Variants in TAOK1 observed in about 807,000 individuals in gnomAD.
TAOK1 encodes TAO kinase 1.
Under a neutral mutation model 138.3 loss-of-function variants are expected in TAOK1, and 21 were observed. That is an observed-to-expected ratio of 0.15 (90% CI 0.11 to 0.22). The LOEUF (loss-of-function observed/expected upper bound fraction) is 0.22, where lower values mean the gene tolerates loss of function less well. Ranked by LOEUF, TAOK1 falls within the 10% of genes least tolerant of loss-of-function variation. TAOK1 has a pLI of 1.00. For missense variants in TAOK1, 651 were observed against 1,227.7 expected (o/e 0.53, Z 7.02); for synonymous variants, 361 against 398.4 (o/e 0.91, Z 1.12).
At chr17:29,487,360 A>G (rs1389961908) in intron 8 of TAOK1, among the ~76,000 whole-genome samples, 1 of 151,896 alleles carries the variant, frequency 6.6e-6, no homozygotes, top group Admixed American at 6.6e-5. Context: ...GGAATTTGAG[A>G]TATTGTAGTA....
At chr17:29,447,218 C>T (rs1344953018) in intron 1 of TAOK1, among the ~76,000 whole-genome samples, 1 of 151,820 alleles carries the variant, frequency 6.6e-6, no homozygotes, top group East Asian at 1.9e-4. Context: ...GTCTGGCTTC[C>T]CCCGTTTTTA....
intron 1 of TAOK1, among the ~76,000 whole-genome samples, chr17:29,424,420 G>A (rs1905565438): frequency 8.1e-6 from 1 of 124,006 alleles, no homozygotes; most frequent in Non-Finnish European, 1.6e-5. Context: ...CTTGGCAACA[G>A]AGCGAGACTC....
chr17:29,506,149 G>T (rs996882213), intron 13 of TAOK1, among the ~76,000 whole-genome samples: 8 of 152,080 alleles, frequency 5.3e-5, no homozygotes, highest in African/African-American at 1.4e-4. Flanking sequence ...ATATGTTGAA[G>T]GGATATCTGC....
At chr17:29,448,197 T>A (rs1268985616) in intron 1 of TAOK1, among the ~76,000 whole-genome samples, 2 of 151,878 alleles carry the variant, frequency 1.3e-5, no homozygotes, top group Non-Finnish European at 2.9e-5. Context: ...TTTCTTTTTT[T>A]TATATTTGTG....
chr17:29,427,173 T>C (rs1370230821), intron 1 of TAOK1, among the ~76,000 whole-genome samples: 2 of 152,004 alleles, frequency 1.3e-5, no homozygotes, highest in African/African-American at 4.8e-5. Context: ...GGAAAATAAG[T>C]TTAGAAATGT....
At chr17:29,498,655 T>TG in intron 12 of TAOK1, 134 bp downstream of exon 12, 1 of 985,800 alleles carries the variant, frequency 1.0e-6, no homozygotes, top group Non-Finnish European at 1.5e-6. Flanking sequence ...CAGTGGCTCA[T>TG]GCCTGTAATC....
At chr17:29,494,891 T>C (rs915888802) in intron 10 of TAOK1, among the ~76,000 whole-genome samples, 1 of 151,120 alleles carries the variant, frequency 6.6e-6, no homozygotes, top group Non-Finnish European at 1.5e-5. Flanking sequence ...TGGCAGAATA[T>C]GTCTTTCTGG....
chr17:29,507,771 G>T, intron 13 of TAOK1, 125 bp from the exon 14 acceptor site: 1 of 856,184 alleles, frequency 1.2e-6, no homozygotes, highest in Non-Finnish European at 1.8e-6. Context: ...AAATTTCCTT[G>T]GAATCTGCTA....
At chr17:29,535,310 A>T (rs946051919) in intron 19 of TAOK1, among the ~76,000 whole-genome samples, 3 of 151,206 alleles carry the variant, frequency 2.0e-5, no homozygotes, top group Admixed American at 6.6e-5. Flanking sequence ...ATCCTGTCTC[A>T]AAATAAATAA....
At chr17:29,493,311 G>A (rs1416280221) in intron 10 of TAOK1, among the ~76,000 whole-genome samples, 4 of 151,798 alleles carry the variant, frequency 2.6e-5, no homozygotes, top group East Asian at 1.9e-4. Context: ...CCTGAGCAAC[G>A]TGGAGAAACC....
intron 19 of TAOK1, among the ~76,000 whole-genome samples, chr17:29,541,097 T>TTTG (rs1555569557): frequency 2.9e-5 from 1 of 35,058 alleles, no homozygotes; most frequent in Non-Finnish European, 5.5e-5. Context: ...ATGAAAAAAA[T>TTTG]TTTTGTTTTG....
chr17:29,475,942 A>C (rs2030933389), intron 4 of TAOK1, among the ~76,000 whole-genome samples, 171 bp downstream of exon 4: 1 of 152,272 alleles, frequency 6.6e-6, no homozygotes, highest in Non-Finnish European at 1.5e-5. Context: ...AGTAAGAGAT[A>C]ATAGAACTTT....
At chr17:29,401,137 A>G (rs1904827897) in intron 1 of TAOK1, among the ~76,000 whole-genome samples, 1 of 151,994 alleles carries the variant, frequency 6.6e-6, no homozygotes, top group African/African-American at 2.4e-5. Context: ...ATGGTCTCAA[A>G]TTCCTGATCT....
chr17:29,414,324 A>G (rs1447998400), intron 1 of TAOK1, among the ~76,000 whole-genome samples: 1 of 151,918 alleles, frequency 6.6e-6, no homozygotes, highest in Non-Finnish European at 1.5e-5. Context: ...ATCCCAGCTC[A>G]CTGCAACCTC....
rs886725866 is a variant in TAOK1 at position 29,549,858 on chromosome 17, C to T, written c.*6836C>T. On this transcript the variant is annotated 3_prime_UTR_variant, in exon 20 of 20. Transcript: ENST00000261716. ...TCACAATATCAAAGAAACCACCACC[C>T]TTCTTCCTAACAGCATTTTATGCCT... 6.6e-6 allele frequency: 1 copy of T among 152,142 alleles called. No individual in the cohort carries two copies. The highest frequency in any genetic ancestry group is 2.4e-5 in the African/African-American group (1 of 41,420). 9.4% of individuals were successfully genotyped at this position (152,142 alleles called of 1,614,324 possible).
intron 16 of TAOK1, among the ~76,000 whole-genome samples, chr17:29,521,621 C>G: frequency 1.3e-5 from 2 of 152,304 alleles, no homozygotes; most frequent in Middle Eastern, 6.8e-3. Context: ...CTCGCTCTGT[C>G]GCCCAGGCTG....
intron 2 of TAOK1, among the ~76,000 whole-genome samples, chr17:29,459,941 A>G (rs1286148133): frequency 1.3e-5 from 2 of 152,166 alleles, no homozygotes; most frequent in African/African-American, 4.8e-5. Flanking sequence ...CTTTTCATAT[A>G]TCCTTCTGTA....
chr17:29,403,198 A>C (rs936796565), intron 1 of TAOK1, among the ~76,000 whole-genome samples: 7 of 149,330 alleles, frequency 4.7e-5, no homozygotes, highest in Non-Finnish European at 8.9e-5. Flanking sequence ...AGTGTGCTGC[A>C]ATGTGTTACA....
chr17:29,429,035 A>AT (rs917630358), intron 1 of TAOK1, among the ~76,000 whole-genome samples: 2 of 151,922 alleles, frequency 1.3e-5, no homozygotes, highest in African/African-American at 2.4e-5. Flanking sequence ...ATTTTTGATT[A>AT]TTTTTTTGTT....
Sources: allele counts gnomAD v4.1 joint callset (sites outside exome capture counted in the v4.1 genomes callset), GRCh38; gene constraint gnomAD v4.1.1; transcripts MANE v1.5; gene names NCBI Gene and HGNC (gene_info 2026-07-23, HGNC 2026-07-21).